The following ADRA1B variants were observed in gnomAD, a reference collection of about 807,000 sequenced individuals.
ADRA1B encodes adrenoceptor alpha 1B.
Under a neutral mutation model 17.9 loss-of-function variants are expected in ADRA1B, and 17 were observed. That is an observed-to-expected ratio of 0.95 (90% confidence interval 0.65 to 1.42). The LOEUF (loss-of-function observed/expected upper bound fraction) is 1.42, where lower values mean the gene tolerates loss of function less well. ADRA1B is among the 40% of genes most tolerant of loss of function. The pLI is 0.00. For missense variants in ADRA1B, 681 were observed against 722.1 expected, an observed-to-expected ratio of 0.94 and a Z score of 0.65; for synonymous variants, 366 against 327.6, an observed-to-expected ratio of 1.12 and a Z score of -1.27.
chr5:159,936,656 C>CA (rs11381811), intron 1 of ADRA1B, among the ~76,000 whole-genome samples: 24,623 of 146,126 alleles, frequency 0.17, 2,010 homozygotes, highest in East Asian at 0.26. Context: ...ATTCAAACCA[C>CA]AAAAAAAAAA....
At chr5:159,942,047 C>T (rs190309193) in intron 1 of ADRA1B, among the ~76,000 whole-genome samples, 1,673 of 151,760 alleles carry the variant, frequency 0.011, 23 homozygotes, top group African/African-American at 0.03. Flanking sequence ...CTCAGCCTCC[C>T]GAGTAGTTGG....
the ADRA1B span, among the ~76,000 whole-genome samples, chr5:159,978,228 A>G: frequency 6.6e-6 from 1 of 152,152 alleles, no homozygotes; most frequent in Non-Finnish European, 1.5e-5. Flanking sequence ...TACCTGACAC[A>G]TTGCAGGTGT....
chr5:159,933,517 G>A (rs934916366), intron 1 of ADRA1B, among the ~76,000 whole-genome samples: 6 of 152,204 alleles, frequency 3.9e-5, no homozygotes, highest in Admixed American at 2.6e-4. Flanking sequence ...AGGCATCTAC[G>A]TTGACTTCCT....
chr5:159,945,903 A>AC, intron 1 of ADRA1B, among the ~76,000 whole-genome samples: 1 of 152,112 alleles, frequency 6.6e-6, no homozygotes, highest in South Asian at 2.1e-4. Flanking sequence ...GCCCGCCACC[A>AC]TGCCTGGCTA....
chr5:159,891,459 C>A (rs1399632518), intron 1 of ADRA1B, among the ~76,000 whole-genome samples: 1 of 152,116 alleles, frequency 6.6e-6, no homozygotes, highest in African/African-American at 2.4e-5. Context: ...TCCGCATGAG[C>A]AATCTGGTTG....
chr5:159,976,692 A>G (rs1755978684), downstream of ADRA1B, among the ~76,000 whole-genome samples: 2 of 152,072 alleles, frequency 1.3e-5, no homozygotes, highest in African/African-American at 4.8e-5. Context: ...AAGACGCGTT[A>G]CTTAAAAAGG....
intron 1 of ADRA1B, among the ~76,000 whole-genome samples, chr5:159,927,205 C>A (rs1754680934): frequency 6.6e-6 from 1 of 152,138 alleles, no homozygotes; most frequent in Non-Finnish European, 1.5e-5. Context: ...TACATTCCCT[C>A]ACCCTCTAGC....
At chr5:159,940,315 C>A (rs1755092305) in intron 1 of ADRA1B, among the ~76,000 whole-genome samples, 1 of 151,982 alleles carries the variant, frequency 6.6e-6, no homozygotes, top group Non-Finnish European at 1.5e-5. Context: ...ATCTAATCAA[C>A]CTCAATATCT....
chr5:159,972,039 C>T lies in ADRA1B; in HGVS notation c.1110C>T (p.Arg370=). The T allele has an allele frequency of 1.5e-6, 2 of 1,373,212 alleles. No homozygotes were observed. 85.1% of individuals were successfully genotyped at this position (1,373,212 alleles called of 1,614,324 possible). Residue 370 remains arginine (R), a synonymous_variant, in exon 2 of 2, where the codon CGC becomes CGT. Coordinates refer to ENST00000306675, the MANE Select transcript of ADRA1B (RefSeq NM_000679.4). ...TCCTCGGGTGCCAGTGCCGCGGCCG[C>T]GGCCGCCGCCGACGCCGCCGCCGCC... ...VRILGCQCRG[R]GRRRRRRRRR...
intron 1 of ADRA1B, among the ~76,000 whole-genome samples, chr5:159,964,463 T>C (rs1755736228): frequency 1.3e-5 from 2 of 152,174 alleles, no homozygotes; most frequent in Admixed American, 6.5e-5. Context: ...AGTTTTAAAA[T>C]AGTGATAGAA....
chr5:159,895,354 CCAGGAACTGTG>C (rs1449874998), intron 1 of ADRA1B, among the ~76,000 whole-genome samples: 8 of 152,198 alleles, frequency 5.3e-5, no homozygotes, highest in Non-Finnish European at 1.0e-4. Flanking sequence ...AGAGCAGCCA[CCAGGAACTGTG>C]CTACATGCTT....
At position 159,899,420 on chromosome 5, in the gene ADRA1B, A is replaced by G. The variant is rs79219326; in HGVS notation, c.-255-16699A>G. On this transcript the variant is annotated intron_variant, in intron 1 of 2. Coordinates refer to the ADRA1B transcript ENST00000641205. ...TCTGGGCTCAGTGGGAAAGACTAAC[A>G]TGATTGACAGCCAATGCCTGGAAAA... 1.1e-3 allele frequency among the ~76,000 whole-genome samples: 169 copies of G among 152,248 alleles called. 4 individuals carry two copies. The East Asian group carries it at 0.027, about 25-fold the overall frequency.
intron 1 of ADRA1B, among the ~76,000 whole-genome samples, chr5:159,903,381 C>T (rs1189610177): frequency 6.6e-6 from 1 of 152,210 alleles, no homozygotes; most frequent in African/African-American, 2.4e-5. Context: ...ATATACTAAA[C>T]TGCTTAGCAT....
At chr5:159,926,124 T>C (rs1197921181) in intron 1 of ADRA1B, among the ~76,000 whole-genome samples, 2 of 152,226 alleles carry the variant, frequency 1.3e-5, no homozygotes, top group Non-Finnish European at 2.9e-5. Context: ...GTGCACTCAA[T>C]TGAAGTAAAA....
chr5:159,883,050 A>T (rs1423712345), intron 1 of ADRA1B, among the ~76,000 whole-genome samples: 2 of 152,178 alleles, frequency 1.3e-5, no homozygotes, highest in Non-Finnish European at 2.9e-5. Flanking sequence ...CTCTTGTGCC[A>T]GTTGCTGGTT....
chr5:159,911,481 C>T (rs556372774), intron 1 of ADRA1B, among the ~76,000 whole-genome samples: 1 of 152,314 alleles, frequency 6.6e-6, no homozygotes, highest in East Asian at 1.9e-4. Context: ...TGCATTCAGC[C>T]CCTGGGTGAC....
intron 1 of ADRA1B, among the ~76,000 whole-genome samples, chr5:159,960,248 T>C (rs1354913810): frequency 1.3e-5 from 2 of 152,178 alleles, no homozygotes; most frequent in African/African-American, 4.8e-5. Flanking sequence ...CTCAGACCAG[T>C]GTGGACAGCG....
chr5:159,918,763 G>A (rs1228274433), intron 1 of ADRA1B, among the ~76,000 whole-genome samples: 2 of 152,216 alleles, frequency 1.3e-5, no homozygotes, highest in Non-Finnish European at 2.9e-5. Flanking sequence ...CTGGTTAGCA[G>A]GTAAACCTAA....
At chr5:159,965,070 T>C (rs960094298) in intron 1 of ADRA1B, among the ~76,000 whole-genome samples, 5 of 150,078 alleles carry the variant, frequency 3.3e-5, no homozygotes, top group Admixed American at 3.3e-4. Flanking sequence ...TCTACCTACC[T>C]GTGATGTCTG....
Sources: gnomAD v4.1 joint callset for allele counts (sites outside exome capture counted in the v4.1 genomes callset) on GRCh38, gnomAD v4.1.1 for gene constraint, MANE v1.5 for transcripts, NCBI Gene and HGNC (gene_info 2026-07-23, HGNC 2026-07-21) for gene names.